Variants in TMEM132C observed in about 807,000 individuals in gnomAD.
TMEM132C encodes the protein protein phosphatase 1, regulatory subunit 152.
A neutral mutation model predicts 61.4 loss-of-function variants in TMEM132C; 29 were observed. The ratio of observed to expected loss-of-function variants is 0.47; its 90% confidence interval spans 0.35 to 0.64. The LOEUF is 0.64. Ranked by LOEUF, TMEM132C falls within the 30% of genes least tolerant of loss-of-function variation. TMEM132C has a pLI of 0.00. For synonymous variants in TMEM132C, 656 were observed against 633.1 expected, an observed-to-expected ratio of 1.04 and a Z score of -0.54; for missense variants, 1,408 against 1,476.9, an observed-to-expected ratio of 0.95 and a Z score of 0.76.
intron 2 of TMEM132C, among the ~76,000 whole-genome samples, chr12:128,514,262 A>G (rs1433229943): frequency 6.6e-6 from 1 of 152,214 alleles, no homozygotes; most frequent in East Asian, 1.9e-4. Context: ...TTGGAGGGAA[A>G]CATGTTTCTC....
intron 2 of TMEM132C, among the ~76,000 whole-genome samples, chr12:128,517,115 C>G (rs1378613127): frequency 6.6e-6 from 1 of 151,368 alleles, no homozygotes; most frequent in African/African-American, 2.4e-5. Flanking sequence ...CCTGTAATCG[C>G]AGCTACTCAT....
intron 3 of TMEM132C, among the ~76,000 whole-genome samples, chr12:128,601,242 G>A (rs1304819108): frequency 1.3e-5 from 2 of 152,206 alleles, no homozygotes; most frequent in African/African-American, 4.8e-5. Flanking sequence ...CAGCTATGCA[G>A]AGAGGCCTAC....
chr12:128,411,965 A>C (rs1448999908), intron 1 of TMEM132C, among the ~76,000 whole-genome samples: 1 of 152,188 alleles, frequency 6.6e-6, no homozygotes, highest in Non-Finnish European at 1.5e-5. Context: ...CTTGATAAGA[A>C]ATATACAGAA....
At chr12:128,420,130 AG>A (rs1384334612) in intron 2 of TMEM132C, among the ~76,000 whole-genome samples, 1 of 152,144 alleles carries the variant, frequency 6.6e-6, no homozygotes, top group African/African-American at 2.4e-5. Context: ...TGGGAGGTGG[AG>A]GTTGCAGTGA....
At chr12:128,284,699 C>A in intron 1 of TMEM132C, among the ~76,000 whole-genome samples, 1 of 152,080 alleles carries the variant, frequency 6.6e-6, no homozygotes, top group East Asian at 1.9e-4. Context: ...AGCAGTTAAA[C>A]ATATAGTAAC....
intron 1 of TMEM132C, among the ~76,000 whole-genome samples, chr12:128,346,245 C>T (rs1275008916): frequency 6.6e-6 from 1 of 151,968 alleles, no homozygotes; most frequent in Non-Finnish European, 1.5e-5. Context: ...TTTTTTTATT[C>T]TCTTCCATTG....
intron 3 of TMEM132C, among the ~76,000 whole-genome samples, chr12:128,579,965 T>C (rs1379879147): frequency 6.6e-6 from 1 of 150,790 alleles, no homozygotes; most frequent in Non-Finnish European, 1.5e-5. Flanking sequence ...GGATGGGAGG[T>C]TCAAAGAAAG....
chr12:128,496,345 C>T (rs184316803), intron 2 of TMEM132C, among the ~76,000 whole-genome samples: 14 of 152,100 alleles, frequency 9.2e-5, no homozygotes, highest in East Asian at 3.9e-4. Context: ...ATCTTTGTGG[C>T]GTTCTCTGTA....
At position 128,651,932 on chromosome 12, in the gene TMEM132C, C is replaced by T. The variant is rs76620667; in HGVS notation, c.1306-17485C>T. The stretch of plus-strand genomic sequence containing the variant: ...TCACTCTGACTCAGATGAAAACCAG[C>T]GGGACGTTTGAGCAGAGCAGCAGCC... On this transcript the variant is annotated intron_variant, in intron 4 of 8. Transcript: ENST00000435159. Among the ~76,000 whole-genome samples, 1,072 of 152,260 alleles carry T rather than the reference C, an allele frequency of 7.0e-3. 15 individuals are homozygous for T. Among genetic ancestry groups the T allele is most frequent in the African/African-American group, 0.024 (1,014 of 41,534 alleles).
intron 1 of TMEM132C, among the ~76,000 whole-genome samples, chr12:128,334,994 A>G (rs1872758556): frequency 6.6e-6 from 1 of 152,292 alleles, no homozygotes; most frequent in South Asian, 2.1e-4. Flanking sequence ...TATTAGTTCT[A>G]AATAGTTGGA....
At chr12:128,375,031 ATGGGTGGG>A (rs2135985039) in intron 1 of TMEM132C, among the ~76,000 whole-genome samples, 1 of 33,720 alleles carries the variant, frequency 3.0e-5, no homozygotes, top group South Asian at 8.9e-4. Context: ...TTCTTCTTTG[ATGGGTGGG>A]TGGGGTGGGG....
At chr12:128,319,254 A>C (rs1251061128) in intron 1 of TMEM132C, among the ~76,000 whole-genome samples, 4 of 152,218 alleles carry the variant, frequency 2.6e-5, no homozygotes, top group Non-Finnish European at 5.9e-5. Context: ...CACACTTATC[A>C]GTTAACAAGA....
At chr12:128,626,247 C>T (rs1954014662) in intron 4 of TMEM132C, among the ~76,000 whole-genome samples, 1 of 150,866 alleles carries the variant, frequency 6.6e-6, no homozygotes, top group Non-Finnish European at 1.5e-5. Flanking sequence ...GTGCCTCAGC[C>T]TCCCAAGTAG....
chr12:128,376,472 G>C (rs1874196609), intron 1 of TMEM132C, among the ~76,000 whole-genome samples: 1 of 152,148 alleles, frequency 6.6e-6, no homozygotes, highest in African/African-American at 2.4e-5. Context: ...GATATCAAGA[G>C]AATCATGATA....
At chr12:128,620,354 G>T (rs1232063611) in intron 4 of TMEM132C, among the ~76,000 whole-genome samples, 1 of 151,854 alleles carries the variant, frequency 6.6e-6, no homozygotes, top group East Asian at 1.9e-4. Context: ...GACAAAGTTT[G>T]CCTTCCTGCA....
intron 5 of TMEM132C, among the ~76,000 whole-genome samples, chr12:128,686,025 ATG>A (rs201307967): frequency 0.073 from 10,520 of 144,604 alleles, 997 homozygotes; most frequent in African/African-American, 0.22. Context: ...GTGTGCATGC[ATG>A]TGTGTGTGTA....
chr12:128,331,897 A>G (rs920686922), intron 1 of TMEM132C, among the ~76,000 whole-genome samples: 3 of 152,238 alleles, frequency 2.0e-5, no homozygotes, highest in African/African-American at 7.2e-5. Context: ...GGTTGAATCC[A>G]TTAACCACAA....
intron 2 of TMEM132C, among the ~76,000 whole-genome samples, chr12:128,493,569 C>T (rs1871829386): frequency 6.6e-6 from 1 of 152,100 alleles, no homozygotes; most frequent in East Asian, 1.9e-4. Flanking sequence ...CCTTCACATC[C>T]CTTATACGTT....
chr12:128,281,201 C>T, intron 1 of TMEM132C, among the ~76,000 whole-genome samples: 1 of 152,218 alleles, frequency 6.6e-6, no homozygotes, highest in Non-Finnish European at 1.5e-5. Context: ...TCATGTATCA[C>T]TCAGCTGTCA....
Sources: gnomAD v4.1 joint callset for allele counts (sites outside exome capture counted in the v4.1 genomes callset) on GRCh38, gnomAD v4.1.1 for gene constraint, MANE v1.5 for transcripts, NCBI Gene and HGNC (gene_info 2026-07-23, HGNC 2026-07-21) for gene names.